The following MORF4L1 variants were observed in gnomAD, a reference collection of about 807,000 sequenced individuals.
MORF4L1 encodes the protein mortality factor 4 like 1.
Under a neutral mutation model 52.9 loss-of-function variants are expected in MORF4L1, and 4 were observed. The observed-to-expected ratio is 0.08, with a 90% CI of 0.04 to 0.17. MORF4L1 has a LOEUF of 0.17. Among genes scored for constraint, MORF4L1 ranks in the 10% least tolerant of loss-of-function variants. The pLI, the probability that MORF4L1 is intolerant of heterozygous loss-of-function variation, is 1.00. For synonymous variants in MORF4L1, 123 were observed against 134.8 expected (o/e 0.91, Z 0.61); for missense variants, 214 against 390.4 (o/e 0.55, Z 3.81).
chr15:78,896,923 A>C, intron 11 of MORF4L1, 60 bp from the exon 12 acceptor site: 14 of 1,270,486 alleles, frequency 1.1e-5, no homozygotes, highest in Non-Finnish European at 1.5e-5. Context: ...ATATATAGGA[A>C]GAGATTTGGA....
intron 3 of MORF4L1, 73 bp downstream of exon 3, chr15:78,880,652 T>A: frequency 8.7e-7 from 1 of 1,147,600 alleles, no homozygotes; most frequent in Non-Finnish European, 1.3e-6. Flanking sequence ...TTAGCAAGCA[T>A]ATGCTTTTCA....
At chr15:78,892,559 T>A in intron 8 of MORF4L1, 1 of 347,818 alleles carries the variant, frequency 2.9e-6, no homozygotes, top group Non-Finnish European at 5.2e-6. Flanking sequence ...TTTTGGAGAT[T>A]GCTAGGGCAG....
At position 78,892,250 on chromosome 15, in the gene MORF4L1, G is replaced by C; in HGVS notation, c.477G>C (p.Lys159Asn). Reference sequence around the variant, plus strand: ...TGAACAGAGTTGAAGTTAAAGTAAAGATTCCTGAAGAGCTAAAACCGTGGC... The same window carrying C: ...TGAACAGAGTTGAAGTTAAAGTAAACATTCCTGAAGAGCTAAAACCGTGGC... ...TFMNRVEVKV[K>N]IPEELKPWLV... Residue 159 changes from lysine (K) to asparagine (N), a missense_variant, in exon 8 of 12, where the codon AAG (lysine) becomes AAC (asparagine). By Grantham distance (94) the Lys-to-Asn change is moderately conservative (BLOSUM62 0). Transcript: ENST00000426013. 6.2e-7 allele frequency: 1 copy of C among 1,613,482 alleles called. No individual in the cohort carries two copies. The highest frequency in any genetic ancestry group is 8.5e-7 in the Non-Finnish European group (1 of 1,179,746).
intron 2 of MORF4L1, among the ~76,000 whole-genome samples, chr15:78,878,667 T>G (rs1241152739): frequency 4.6e-5 from 7 of 152,222 alleles, no homozygotes. Context: ...ATAAGTACAT[T>G]TAACTGTTGA....
At chr15:78,891,180 T>G in intron 6 of MORF4L1, 166 bp downstream of exon 6, 1 of 879,784 alleles carries the variant, frequency 1.1e-6, no homozygotes, top group Non-Finnish European at 1.7e-6. Flanking sequence ...AGAGACCTCT[T>G]TTTGCCAAGG....
chr15:78,878,866 C>T (rs553576876), intron 2 of MORF4L1, among the ~76,000 whole-genome samples: 2 of 152,010 alleles, frequency 1.3e-5, no homozygotes, highest in South Asian at 2.1e-4. Context: ...TTGACTATAC[C>T]TTAAACAGTC....
At chr15:78,884,347 A>G (rs375980240) in intron 3 of MORF4L1, among the ~76,000 whole-genome samples, 1 of 152,102 alleles carries the variant, frequency 6.6e-6, no homozygotes. Flanking sequence ...CTCTGTCTCT[A>G]CTAAAAATTA....
At chr15:78,885,178 T>TG in intron 3 of MORF4L1, 1 of 948,194 alleles carries the variant, frequency 1.1e-6, no homozygotes, top group South Asian at 1.9e-5. Context: ...AGGTCAGAGG[T>TG]GGGAAATCAT....
intron 2 of MORF4L1, among the ~76,000 whole-genome samples, chr15:78,879,562 G>T (rs1003641242): frequency 7.9e-5 from 12 of 152,104 alleles, no homozygotes; most frequent in Non-Finnish European, 1.6e-4. Flanking sequence ...ACTGAATTTG[G>T]ATGTATGGAG....
At chr15:78,874,927 TC>T (rs973711807) in intron 1 of MORF4L1, among the ~76,000 whole-genome samples, 9 of 151,992 alleles carry the variant, frequency 5.9e-5, no homozygotes, top group African/African-American at 2.2e-4. Flanking sequence ...GTGTAATTGC[TC>T]CCCCTAAACC....
At chr15:78,874,876 AT>A (rs200286003) in intron 1 of MORF4L1, among the ~76,000 whole-genome samples, 11 of 148,464 alleles carry the variant, frequency 7.4e-5, no homozygotes, top group East Asian at 4.0e-4. Flanking sequence ...ATTGAGGAAG[AT>A]TTTTTTTTCT....
At position 78,892,348 on chromosome 15, in the gene MORF4L1, A is replaced by G. The variant is rs768477097; in HGVS notation, c.540+35A>G. 47 of 1,476,748 alleles carry G rather than the reference A, an allele frequency of 3.2e-5. 1 individual carries two copies. In the Admixed American group the frequency reaches 7.7e-4, roughly 24 times the overall value. 91.5% of individuals were successfully genotyped at this position (1,476,748 alleles called of 1,614,324 possible). ...AAAGCTACCCAGATTGTTAAGCTAT[A>G]TGATACATTCTTGCTAGCAAAAAAA... On this transcript the variant is annotated intron_variant, in intron 8 of 11. Coordinates refer to ENST00000426013, the MANE Select transcript of MORF4L1 (RefSeq NM_006791.4).
chr15:78,877,050 A>C (rs968866116), intron 1 of MORF4L1, among the ~76,000 whole-genome samples: 3 of 145,886 alleles, frequency 2.1e-5, no homozygotes, highest in Non-Finnish European at 4.5e-5. Flanking sequence ...AGCGATTCTC[A>C]TGTCTCAGCC....
At chr15:78,890,071 TG>T (rs1567313733) in intron 5 of MORF4L1, among the ~76,000 whole-genome samples, 1 of 151,922 alleles carries the variant, frequency 6.6e-6, no homozygotes, top group East Asian at 1.9e-4. Context: ...AATACAAAAA[TG>T]AGCTGGGAGT....
In MORF4L1 at chr15:78,897,655, G is replaced by A. The variant is rs2056913265; in HGVS notation, c.*588G>A. The A allele has an allele frequency of 6.6e-6, 1 of 152,598 alleles. No individual in the cohort carries two copies. Among genetic ancestry groups the A allele is most frequent in the Admixed American group, 6.5e-5 (1 of 15,292 alleles). 9.5% of individuals were successfully genotyped at this position (152,598 alleles called of 1,614,324 possible). A position where few individuals can be genotyped will look rare whatever the true frequency, so the allele number is the denominator to read the frequency against. On this transcript the variant is annotated 3_prime_UTR_variant, in exon 12 of 12. Coordinates refer to ENST00000426013, the MANE Select transcript of MORF4L1 (RefSeq NM_006791.4). ...TAACATGATAGACGCAATGCATTGT[G>A]TAGCTAGTTTTCTGGAAAAGTCAAT...
intron 3 of MORF4L1, among the ~76,000 whole-genome samples, chr15:78,882,497 A>G (rs2056620749): frequency 6.6e-6 from 1 of 152,232 alleles, no homozygotes; most frequent in Non-Finnish European, 1.5e-5. Flanking sequence ...TATCTAGGAA[A>G]CAGGAAAATA....
At chr15:78,891,328 T>C in intron 6 of MORF4L1, 156 bp from the exon 7 acceptor site, 1 of 671,810 alleles carries the variant, frequency 1.5e-6, no homozygotes, top group Admixed American at 3.0e-5. Context: ...TTCATGAAAG[T>C]TGTATTTTTG....
chr15:78,891,730 A>G (rs1248002118), intron 7 of MORF4L1, 158 bp downstream of exon 7: 4 of 580,776 alleles, frequency 6.9e-6, no homozygotes, highest in African/African-American at 1.9e-5. Context: ...AAATTTCTGT[A>G]TATCTTTATT....
intron 1 of MORF4L1, among the ~76,000 whole-genome samples, chr15:78,874,766 G>C (rs1400526956): frequency 5.9e-5 from 8 of 135,634 alleles, no homozygotes; most frequent in Non-Finnish European, 8.2e-5. Flanking sequence ...ACCTTGAGAA[G>C]CTGTTGACTC....
Sources: gnomAD v4.1 joint callset for allele counts (sites outside exome capture counted in the v4.1 genomes callset) on GRCh38, gnomAD v4.1.1 for gene constraint, MANE v1.5 for transcripts, NCBI Gene and HGNC (gene_info 2026-07-23, HGNC 2026-07-21) for gene names.